PCDHGA8: variants seen among roughly 807,000 people sequenced by gnomAD.
PCDHGA8 encodes the protein protocadherin gamma subfamily A, 8, also known as protocadherin gamma-A8.
Under a neutral mutation model 59.2 loss-of-function variants are expected in PCDHGA8, and 45 were observed. That is an observed-to-expected ratio of 0.76 (90% CI 0.60 to 0.98). The LOEUF is 0.98. Ranked by LOEUF, PCDHGA8 falls within the 50% of genes least tolerant of loss-of-function variation. The probability of loss-of-function intolerance (pLI) is 0.00; values close to 1 mark genes in which losing one functional copy is unlikely to be tolerated. For synonymous variants in PCDHGA8, 531 were observed against 519.0 expected, an observed-to-expected ratio of 1.02 and a Z score of -0.32; for missense variants, 1,257 against 1,196.2, an observed-to-expected ratio of 1.05 and a Z score of -0.75.
At chr5:141,419,155 A>G in intron 1 of PCDHGA8, 1 of 1,613,966 alleles carries the variant, frequency 6.2e-7, no homozygotes, top group Middle Eastern at 1.6e-4. Context: ...AGCCTCCGTT[A>G]TCCTCCAGCA....
chr5:141,508,241 T>G (rs1475142426), intron 3 of PCDHGA8: 2 of 152,286 alleles, frequency 1.3e-5, no homozygotes, highest in East Asian at 3.9e-4. Context: ...CTCCTAAGTC[T>G]GCCTCTCCTG....
At chr5:141,401,726 A>T (rs943909540) in intron 1 of PCDHGA8, among the ~76,000 whole-genome samples, 1 of 152,186 alleles carries the variant, frequency 6.6e-6, no homozygotes, top group African/African-American at 2.4e-5. Context: ...AAAAACTACT[A>T]GTCTTGTGTA....
At chr5:141,422,561 A>T in intron 1 of PCDHGA8, 1 of 1,613,992 alleles carries the variant, frequency 6.2e-7, no homozygotes, top group Non-Finnish European at 8.5e-7. Context: ...AATGTGGCAG[A>T]TGACAACGAT....
At chr5:141,475,132 T>C (rs563015610) in intron 1 of PCDHGA8, among the ~76,000 whole-genome samples, 14 of 152,322 alleles carry the variant, frequency 9.2e-5, no homozygotes, top group African/African-American at 2.6e-4. Context: ...TTTTTTCTTT[T>C]TGAAATCTTC....
At position 141,399,661 on chromosome 5, in the gene PCDHGA8, G is replaced by T. The variant is rs1021211609; in HGVS notation, c.2424+4424G>T. The T allele has an allele frequency of 6.8e-6, 11 of 1,613,526 alleles. No individual in the cohort carries two copies. Among genetic ancestry groups the T allele is most frequent in the Non-Finnish European group, 9.3e-6 (11 of 1,179,892 alleles). ...GAGCGCGCAAAGTGGGGTGGTGTTC[G>T]CGCAGCGCGCCTTTGACTACGAGCA... On this transcript the variant is annotated intron_variant, in intron 1 of 3. Transcript: ENST00000398604.
At position 141,394,145 on chromosome 5, in the gene PCDHGA8, C is replaced by T. The variant is rs754958885; in HGVS notation, c.1332C>T (p.Asp444=). The T allele has an allele frequency of 3.7e-6, 6 of 1,613,962 alleles. No homozygotes were observed. The East Asian group carries it at 8.9e-5, about 24-fold the overall frequency. Residue 444 remains aspartate (D), a synonymous_variant, in exon 1 of 4, where the codon GAC becomes GAT. Transcript: ENST00000398604. ...TETQIALHVA[D]INDNPPTFPH... is the part of the protein sequence containing the mutation. ...CTCAAATCGCTCTGCACGTGGCAGA[C>T]ATTAACGACAACCCTCCTACTTTCC...
In PCDHGA8 at chr5:141,393,589, C is replaced by T. The variant is rs1050679940; in HGVS notation, c.776C>T (p.Thr259Met). 1.2e-6 allele frequency: 2 copies of T among 1,613,920 alleles called. No homozygotes were observed. Among genetic ancestry groups the T allele is most frequent in the Non-Finnish European group, 1.7e-6 (2 of 1,179,898 alleles). ...VKVLENMPPGTRLLTVTASDP... is the reference protein window; with the variant it reads ...VKVLENMPPGMRLLTVTASDP... ...GTCCTTGAGAACATGCCCCCAGGCA[C>T]GCGGCTGCTTACTGTAACAGCCAGC... is the stretch of plus-strand genomic sequence containing the variant. The change falls in exon 1 of 4, where the codon ACG (threonine) becomes ATG (methionine). Residue 259 changes from threonine to methionine, a missense_variant. Thr to Met is a moderately conservative substitution (Grantham distance 81). Coordinates refer to ENST00000398604, the MANE Select transcript of PCDHGA8 (RefSeq NM_032088.2).
At chr5:141,466,929 T>C (rs2099132302) in intron 1 of PCDHGA8, among the ~76,000 whole-genome samples, 1 of 152,232 alleles carries the variant, frequency 6.6e-6, no homozygotes, top group African/African-American at 2.4e-5. Context: ...TTAGGAATAT[T>C]AGTCCTTTGT....
Position 141,489,712 on chromosome 5 carries a change from C to T in PCDHGA8, c.2425-5095C>T. On this transcript the variant is annotated intron_variant, in intron 1 of 3. Coordinates refer to ENST00000398604, the MANE Select transcript of PCDHGA8 (RefSeq NM_032088.2). The surrounding 1 kb of genome is among the most constrained non-coding windows in gnomAD (Gnocchi z 4.5). The stretch of plus-strand genomic sequence containing the variant: ...GGCACGATTCCCACTGGACAGTGCC[C>T]AGGATCCGGATGTGGGCACCAATAC... The T allele has an allele frequency of 6.2e-7, 1 of 1,614,162 alleles. No individual in the cohort carries two copies. The highest frequency in any genetic ancestry group is 1.1e-5 in the South Asian group (1 of 91,078).
chr5:141,468,360 A>T (rs1249822461), intron 1 of PCDHGA8: 1 of 151,938 alleles, frequency 6.6e-6, no homozygotes, highest in East Asian at 1.9e-4. Flanking sequence ...GAAAGAAAAA[A>T]GAAATAACTC....
At position 141,394,825 on chromosome 5, in the gene PCDHGA8, T is replaced by G; in HGVS notation, c.2012T>G (p.Val671Gly). 6.2e-7 allele frequency: 1 copy of G among 1,613,802 alleles called. No individual in the cohort carries two copies. The highest frequency in any genetic ancestry group is 8.5e-7 in the Non-Finnish European group (1 of 1,179,970). The change falls in exon 1 of 4, where the codon GTC (valine) becomes GGC (glycine). Residue 671 changes from valine to glycine, a missense_variant. Physicochemically the swap from Val to Gly is moderately radical, Grantham distance 109 (BLOSUM62 -3). Transcript: ENST00000398604. ...GCCGTGGCTGACAGCATCCCCGAAG[T>G]CCTGACCGAGTTGGGCAGTCTGAAG... ...TVAVADSIPE[V>G]LTELGSLKPS...
At chr5:141,441,494 ACCAGG>A (rs1325946941) in intron 1 of PCDHGA8, 1 of 170,360 alleles carries the variant, frequency 5.9e-6, no homozygotes, top group Non-Finnish European at 1.3e-5. Flanking sequence ...CTGGTTTTCT[ACCAGG>A]CCTCCTACGT....
rs1332652972 is a variant in PCDHGA8, at chr5:141,432,381, C to T, written c.2424+37144C>T. On this transcript the variant is annotated intron_variant, in intron 1 of 3. Transcript: ENST00000398604. The surrounding 1 kb of genome is among the most constrained non-coding windows in gnomAD (Gnocchi z 6.0). ...ATGGCGCGGGACAACGGGCACCCGCCCCTCAGCAGCAACGTGTCGTTGAGC... is the reference window on the plus strand; with the variant it reads ...ATGGCGCGGGACAACGGGCACCCGCTCCTCAGCAGCAACGTGTCGTTGAGC... 1 of 1,614,256 alleles carries T rather than the reference C, an allele frequency of 6.2e-7. No homozygotes were observed. The highest frequency in any genetic ancestry group is 1.1e-5 in the South Asian group (1 of 91,082).
Position 141,399,568 on chromosome 5 carries a change from G to A in PCDHGA8, c.2424+4331G>A, listed in dbSNP as rs776963716. ...CTCGGACCTGGACTTGGGGTTGAAC[G>A]GCCAAGTCTCCTACTCTATCATGGC... is the stretch of plus-strand genomic sequence containing the variant. On this transcript the variant is annotated intron_variant, in intron 1 of 3. Transcript: ENST00000398604. The A allele has an allele frequency of 3.1e-6, 5 of 1,613,926 alleles. No individual in the cohort carries two copies. The East Asian group carries it at 8.9e-5, about 29-fold the overall frequency.
At position 141,394,004 on chromosome 5, in the gene PCDHGA8, A is replaced by C. The variant is rs1220367944; in HGVS notation, c.1191A>C (p.Ser397=). 1.9e-6 allele frequency: 3 copies of C among 1,613,496 alleles called. No homozygotes were observed. ...ATTTACCTTTTAAATTAGAAAAGTC[A>C]ATAGGTAATTATTATAGATTAGTGA... ...RDNLPFKLEK[S]IGNYYRLVTR... Residue 397 remains serine, a synonymous_variant, in exon 1 of 4, where the codon TCA becomes TCC. Coordinates refer to ENST00000398604, the MANE Select transcript of PCDHGA8 (RefSeq NM_032088.2).
chr5:141,510,221 C>T lies in PCDHGA8; in HGVS notation c.2573-726C>T, dbSNP rs891359580. On this transcript the variant is annotated intron_variant, in intron 3 of 3. Transcript: ENST00000398604. The stretch of plus-strand genomic sequence containing the variant: ...CCAGGAGGCAGAGGTTGCAGTGAGC[C>T]GGGATCGCGCCACTGCACTCCAGGC... Among the ~76,000 whole-genome samples, 12 of 150,616 alleles carry T rather than the reference C, an allele frequency of 8.0e-5. No homozygotes were observed. In the East Asian group the frequency reaches 1.2e-3, roughly 15 times the overall value.
intron 1 of PCDHGA8, chr5:141,428,732 T>C (rs976924838): frequency 1.3e-5 from 2 of 159,284 alleles, no homozygotes; most frequent in African/African-American, 4.8e-5. Context: ...CTTAAACATA[T>C]TATATCTACT....
At chr5:141,505,260 C>T in intron 2 of PCDHGA8, 133 bp from the exon 3 acceptor site, 2 of 1,502,832 alleles carry the variant, frequency 1.3e-6, no homozygotes, top group South Asian at 1.3e-5. Context: ...TGCCTCCTAC[C>T]TTGCTGAGAG....
Position 141,393,547 on chromosome 5 carries a change from C to T in PCDHGA8, c.734C>T (p.Pro245Leu), listed in dbSNP as rs761723933. 4.3e-6 allele frequency: 7 copies of T among 1,613,938 alleles called. No individual in the cohort carries two copies. Among genetic ancestry groups the T allele is most frequent in the South Asian group, 1.1e-5 (1 of 91,090 alleles). Residue 245 changes from proline to leucine, a missense_variant, in exon 1 of 4, where the codon CCG (proline) becomes CTG (leucine). Coordinates refer to ENST00000398604, the MANE Select transcript of PCDHGA8 (RefSeq NM_032088.2). ...TNDNAPVFPHPIYRVKVLENM... is the reference protein window; with the variant it reads ...TNDNAPVFPHLIYRVKVLENM... ...GACAATGCCCCGGTTTTTCCTCACCCGATTTACCGAGTGAAAGTCCTTGAG... is the reference window on the plus strand; with the variant it reads ...GACAATGCCCCGGTTTTTCCTCACCTGATTTACCGAGTGAAAGTCCTTGAG...
Sources: allele counts gnomAD v4.1 joint callset (sites outside exome capture counted in the v4.1 genomes callset), GRCh38; gene constraint gnomAD v4.1.1; non-coding constraint Gnocchi (gnomAD v3.1); transcripts MANE v1.5; gene names NCBI Gene and HGNC (gene_info 2026-07-23, HGNC 2026-07-21).